The following VPS13A variants were observed in gnomAD, a reference collection of about 807,000 sequenced individuals.
The protein encoded by VPS13A is intermembrane lipid transfer protein VPS13A.
In VPS13A, 264 loss-of-function variants were observed where a neutral mutation model predicts 390.9. The ratio of observed to expected loss-of-function variants is 0.68; its 90% CI spans 0.61 to 0.75. The LOEUF is 0.75. Ranked by LOEUF, VPS13A falls within the 30% of genes least tolerant of loss-of-function variation. VPS13A has a pLI of 0.00. For missense variants in VPS13A, 3,409 were observed against 3,733.9 expected, an observed-to-expected ratio of 0.91 and a Z score of 2.27; for synonymous variants, 1,231 against 1,227.1, an observed-to-expected ratio of 1.00 and a Z score of -0.07.
chr9:77,419,052 T>TAGA lies in VPS13A; in HGVS notation c.*3049_*3051dup, dbSNP rs767135787. The TAGA allele has an allele frequency of 6.6e-5, 10 of 152,196 alleles. No homozygotes were observed. Among genetic ancestry groups the TAGA allele is most frequent in the Non-Finnish European group, 1.3e-4 (9 of 68,040 alleles). 9.4% of individuals were successfully genotyped at this position (152,196 alleles called of 1,614,324 possible). A position where few individuals can be genotyped will look rare whatever the true frequency, so the allele number is the denominator to read the frequency against. On this transcript the variant is annotated 3_prime_UTR_variant, in exon 72 of 72. Coordinates refer to ENST00000360280, the MANE Select transcript of VPS13A (RefSeq NM_033305.3). ...ACAAAATACTTGATTAGTTTGCCTG[T>TAGA]AGAAGCTCAAAGTGTGTACCAAATA...
intron 68 of VPS13A, among the ~76,000 whole-genome samples, chr9:77,396,901 C>T (rs548246625): frequency 2.0e-5 from 3 of 152,298 alleles, no homozygotes; most frequent in African/African-American, 7.2e-5. Context: ...CTCCGGAACC[C>T]TCAAATTAAC....
At chr9:77,200,444 G>C (rs1209415408) in intron 2 of VPS13A, among the ~76,000 whole-genome samples, 1 of 152,156 alleles carries the variant, frequency 6.6e-6, no homozygotes, top group Non-Finnish European at 1.5e-5. Flanking sequence ...AATGGAGATC[G>C]TGCTACTGCA....
chr9:77,219,275 G>T (rs1385052234), intron 10 of VPS13A, among the ~76,000 whole-genome samples: 2 of 151,954 alleles, frequency 1.3e-5, no homozygotes, highest in African/African-American at 4.8e-5. Flanking sequence ...GAAATTAAAT[G>T]TTAGTCCATA....
intron 22 of VPS13A, among the ~76,000 whole-genome samples, chr9:77,253,668 A>G (rs1825272455): frequency 6.6e-6 from 1 of 152,032 alleles, no homozygotes; most frequent in South Asian, 2.1e-4. Context: ...TGATTTGCAA[A>G]TATTTTTTCT....
intron 48 of VPS13A, 46 bp from the exon 49 acceptor site, chr9:77,340,132 T>G (rs1587617663): frequency 3.8e-6 from 6 of 1,562,476 alleles, no homozygotes; most frequent in Non-Finnish European, 5.3e-6. Context: ...GCAGGAATTT[T>G]TAAAGGTACC....
At chr9:77,270,856 C>T (rs531164313) in intron 23 of VPS13A, among the ~76,000 whole-genome samples, 4 of 152,146 alleles carry the variant, frequency 2.6e-5, no homozygotes, top group South Asian at 2.1e-4. Context: ...ATCTTATATG[C>T]GGAATTTAAC....
At chr9:77,294,449 G>T (rs765304211) in intron 32 of VPS13A, among the ~76,000 whole-genome samples, 1 of 152,060 alleles carries the variant, frequency 6.6e-6, no homozygotes, top group Non-Finnish European at 1.5e-5. Context: ...TGCTGTCTCA[G>T]TGTTTTAGTG....
In VPS13A at chr9:77,353,656, AT is replaced by A; in HGVS notation, c.7652+19del. ...GGCATTACAAGGTTAGATGCATTAA[AT>A]TTTGGATACATTTAAATGATCAGTT... On this transcript the variant is annotated intron_variant, in intron 54 of 71. Coordinates refer to ENST00000360280, the MANE Select transcript of VPS13A (RefSeq NM_033305.3). 1 of 1,590,188 alleles carries A rather than the reference AT, an allele frequency of 6.3e-7. No homozygotes were observed. The highest frequency in any genetic ancestry group is 8.6e-7 in the Non-Finnish European group (1 of 1,159,114).
chr9:77,245,206 A>T (rs1418575757), intron 19 of VPS13A, among the ~76,000 whole-genome samples: 1 of 152,236 alleles, frequency 6.6e-6, no homozygotes, highest in African/African-American at 2.4e-5. Context: ...TAGAGAAATC[A>T]TTGTGTCCTG....
At chr9:77,261,172 T>C in intron 23 of VPS13A, among the ~76,000 whole-genome samples, 1 of 152,152 alleles carries the variant, frequency 6.6e-6, no homozygotes, top group African/African-American at 2.4e-5. Context: ...GTGCTGGGAT[T>C]ACAGGCGTGA....
intron 3 of VPS13A, 63 bp from the exon 4 acceptor site, chr9:77,205,250 C>G: frequency 1.1e-6 from 1 of 882,760 alleles, no homozygotes; most frequent in South Asian, 2.0e-5. Context: ...AATAGACTAA[C>G]CATAAATGCA....
intron 69 of VPS13A, 114 bp from the exon 70 acceptor site, chr9:77,405,750 A>G: frequency 1.5e-6 from 2 of 1,299,304 alleles, no homozygotes; most frequent in Non-Finnish European, 2.2e-6. Flanking sequence ...TATAGAATAT[A>G]GTCTATGTTG....
chr9:77,370,260 G>C lies in VPS13A; in HGVS notation c.8671G>C (p.Ala2891Pro). 6.2e-7 allele frequency: 1 copy of C among 1,614,114 alleles called. No homozygotes were observed. The highest frequency in any genetic ancestry group is 8.5e-7 in the Non-Finnish European group (1 of 1,179,988). The part of the protein sequence containing the change: ...EAFFYEPYQG[A>P]IQGPEEFVEG... ...TATTTACTATTTGGCCCTTTAGGGA[G>C]CCATCCAGGGTCCTGAAGAGTTTGT... Residue 2891 changes from alanine (A) to proline (P), a missense_variant, in exon 64 of 72, where the codon GCC becomes CCC. By Grantham distance (27) the Ala-to-Pro change is conservative. This residue lies in a region of VPS13A where 30 missense variants were observed against 63.4 expected (regional missense o/e 0.47). Transcript: ENST00000360280.
chr9:77,181,765 A>T (rs762108134), intron 1 of VPS13A, among the ~76,000 whole-genome samples: 1 of 152,108 alleles, frequency 6.6e-6, no homozygotes, highest in African/African-American at 2.4e-5. Flanking sequence ...ATCAGAATGC[A>T]TTTTTCCCAT....
intron 1 of VPS13A, chr9:77,178,041 T>C: frequency 4.2e-6 from 2 of 478,078 alleles, no homozygotes; most frequent in South Asian, 4.2e-5. Flanking sequence ...GATGAAAAGG[T>C]CTATATTTTC....
intron 23 of VPS13A, among the ~76,000 whole-genome samples, chr9:77,266,302 A>G (rs367594692): frequency 1.3e-5 from 2 of 152,198 alleles, no homozygotes; most frequent in African/African-American, 4.8e-5. Context: ...GTAGATGTCT[A>G]TTAGGTCCAC....
chr9:77,275,014 A>G (rs1826563530), intron 24 of VPS13A, among the ~76,000 whole-genome samples: 2 of 152,146 alleles, frequency 1.3e-5, no homozygotes, highest in African/African-American at 4.8e-5. Context: ...ATTTGTGTAT[A>G]TATATGTATA....
intron 19 of VPS13A, 45 bp from the exon 20 acceptor site, chr9:77,247,214 G>A (rs766285328): frequency 2.7e-6 from 4 of 1,456,936 alleles, no homozygotes; most frequent in East Asian, 4.6e-5. Context: ...TATTTCTCGA[G>A]TAATTTGTGA....
chr9:77,351,892 G>C (rs1029929277), intron 53 of VPS13A, among the ~76,000 whole-genome samples: 1 of 151,870 alleles, frequency 6.6e-6, no homozygotes, highest in Non-Finnish European at 1.5e-5. Context: ...AAAAACAACA[G>C]TATTTGATTT....
Sources: gnomAD v4.1 joint callset for allele counts (sites outside exome capture counted in the v4.1 genomes callset) on GRCh38, gnomAD v4.1.1 for gene constraint, gnomAD v4.1.1 regional missense constraint, MANE v1.5 for transcripts, NCBI Gene and HGNC (gene_info 2026-07-23, HGNC 2026-07-21) for gene names.